VARS2: variants seen among roughly 807,000 people sequenced by gnomAD.
VARS2 encodes valyl-tRNA synthetase 2, mitochondrial.
VARS2 carries 105 observed loss-of-function variants against 154.1 expected under a neutral mutation model. The ratio of observed to expected loss-of-function variants is 0.68; its 90% confidence interval spans 0.58 to 0.80. VARS2 has a LOEUF of 0.80. Ranked by LOEUF, VARS2 falls within the 30% of genes least tolerant of loss-of-function variation. The pLI, the probability that VARS2 is intolerant of heterozygous loss-of-function variation, is 0.00. For synonymous variants in VARS2, 483 were observed against 539.5 expected (o/e 0.90, Z 1.45); for missense variants, 1,157 against 1,361.4 (o/e 0.85, Z 2.36).
In VARS2 at chr6:30,923,414, A is replaced by G. The variant is rs368546838; in HGVS notation, c.2375A>G (p.Glu792Gly). The change falls in exon 25 of 30, where the codon GAG (glutamate) becomes GGG (glycine). Residue 792 changes from glutamate to glycine, a missense_variant. Coordinates refer to ENST00000676266, the MANE Select transcript of VARS2 (RefSeq NM_020442.6). ...ILSRLALAAQ[E>G]CERGFLTREL... ...AGCCGCCTTGCCCTGGCTGCCCAGG[A>G]GTGTGAGCGGGGCTTCCTCACCCGA... 1.4e-4 allele frequency: 228 copies of G among 1,612,152 alleles called. No individual in the cohort carries two copies. Among genetic ancestry groups the G allele is most frequent in the Non-Finnish European group, 1.9e-4 (222 of 1,179,992 alleles).
At chr6:30,918,998 T>C in intron 11 of VARS2, 83 bp downstream of exon 11, 1 of 1,266,772 alleles carries the variant, frequency 7.9e-7, no homozygotes, top group South Asian at 1.2e-5. Context: ...TGGCTCTTTC[T>C]CTCTTGCTTC....
At position 30,915,046 on chromosome 6, in the gene VARS2, T is replaced by A. The variant is rs763245042; in HGVS notation, c.201+9T>A. ...TAGCAGGGGAGAGCAAGGTTAGGGGTCAGACAGCTTGTCCTTGGGTTTCTG... is the reference window on the plus strand; with the variant it reads ...TAGCAGGGGAGAGCAAGGTTAGGGGACAGACAGCTTGTCCTTGGGTTTCTG... On this transcript the variant is annotated intron_variant, in intron 2 of 29. Coordinates refer to ENST00000676266, the MANE Select transcript of VARS2 (RefSeq NM_020442.6). 2 of 1,612,742 alleles carry A rather than the reference T, an allele frequency of 1.2e-6. No homozygotes were observed. Among genetic ancestry groups the A allele is most frequent in the Non-Finnish European group, 1.7e-6 (2 of 1,179,726 alleles).
rs757294151 is a variant in VARS2, at chr6:30,923,456, C to T, written c.2417C>T (p.Thr806Ile). 9.9e-6 allele frequency: 16 copies of T among 1,612,300 alleles called. No homozygotes were observed. In the South Asian group the frequency reaches 1.6e-4, roughly 17 times the overall value. Residue 806 changes from threonine to isoleucine, a missense_variant, in exon 25 of 30, where the codon ACT becomes ATT. Transcript: ENST00000676266. ...GFLTRELSLV[T>I]HALHHFWLHN... is the part of the protein sequence containing the mutation. ...CTCACCCGAGAGCTCTCGCTCGTCA[C>T]TCATGCCCTGCACCACTTCTGGCTT...
In VARS2 at chr6:30,918,576, A is replaced by G. The variant is rs576233866; in HGVS notation, c.986-251A>G. Among the ~76,000 whole-genome samples, 7 of 152,210 alleles carry G rather than the reference A, an allele frequency of 4.6e-5. No individual in the cohort carries two copies. In the East Asian group the frequency reaches 9.7e-4, roughly 21 times the overall value. Reference sequence around the variant, plus strand: ...AGTTGCTTTAATTAATGCTGCCCCCATTTCTTCCATGCAAATTATCAGGGA... The same window carrying G: ...AGTTGCTTTAATTAATGCTGCCCCCGTTTCTTCCATGCAAATTATCAGGGA... On this transcript the variant is annotated intron_variant, in intron 10 of 29. Transcript: ENST00000676266.
chr6:30,914,713 A>G (rs1383716834), intron 1 of VARS2, 97 bp from the exon 2 acceptor site: 53 of 1,253,138 alleles, frequency 4.2e-5, no homozygotes, highest in Non-Finnish European at 5.6e-5. Flanking sequence ...ACTTGGAATA[A>G]CAGACCTGTG....
At position 30,914,310 on chromosome 6, in the gene VARS2, C is replaced by A; in HGVS notation, c.-62C>A. The A allele has an allele frequency of 8.8e-7, 1 of 1,142,410 alleles. No individual in the cohort carries two copies. The highest frequency in any genetic ancestry group is 4.2e-5 in the Admixed American group (1 of 23,706). 70.8% of individuals were successfully genotyped at this position (1,142,410 alleles called of 1,614,324 possible). A position where few individuals can be genotyped will look rare whatever the true frequency, so the allele number is the denominator to read the frequency against. On this transcript the variant is annotated 5_prime_UTR_variant, in exon 1 of 30. Coordinates refer to ENST00000676266, the MANE Select transcript of VARS2 (RefSeq NM_020442.6). Reference sequence around the variant, plus strand: ...TGGTGGATTCCTCAGTCCCTGCCGCCGCGGGGCGCCCTGGGATAGCGGCGG... The same window carrying A: ...TGGTGGATTCCTCAGTCCCTGCCGCAGCGGGGCGCCCTGGGATAGCGGCGG...
Position 30,915,247 on chromosome 6 carries a change from ATAAG to A in VARS2, c.283+15_283+18del, listed in dbSNP as rs1185645156. The A allele has an allele frequency of 1.2e-6, 2 of 1,613,890 alleles. No individual in the cohort carries two copies. Among genetic ancestry groups the A allele is most frequent in the Non-Finnish European group, 1.7e-6 (2 of 1,179,824 alleles). On this transcript the variant is annotated intron_variant, in intron 3 of 29. Transcript: ENST00000676266. ...CCCGGTGAAAAGAAAGGTAAGTAGA[ATAAG>A]TAAGAAGGCCTTTTCTTTCACATAT...
At chr6:30,922,667 C>T (rs1353926730) in intron 21 of VARS2, 39 bp from the exon 22 acceptor site, 21 of 1,599,592 alleles carry the variant, frequency 1.3e-5, no homozygotes, top group Non-Finnish European at 1.8e-5. Context: ...GAGGCAGGGC[C>T]TTCGACCTGG....
At position 30,917,828 on chromosome 6, in the gene VARS2, G is replaced by T; in HGVS notation, c.985+22G>T. 6.5e-7 allele frequency: 1 copy of T among 1,548,892 alleles called. No homozygotes were observed. The highest frequency in any genetic ancestry group is 8.7e-7 in the Non-Finnish European group (1 of 1,144,400). On this transcript the variant is annotated intron_variant, in intron 10 of 29. Coordinates refer to ENST00000676266, the MANE Select transcript of VARS2 (RefSeq NM_020442.6). The surrounding 1 kb of genome is among the most constrained non-coding windows in gnomAD (Gnocchi z 4.4). Reference sequence around the variant, plus strand: ...CCTGGTGAGCATAGTACTCTGCAGGGTCACCCGTTTACCTCCATTTTTCCT... The same window carrying T: ...CCTGGTGAGCATAGTACTCTGCAGGTTCACCCGTTTACCTCCATTTTTCCT...
intron 5 of VARS2, 32 bp downstream of exon 5, chr6:30,915,899 T>C: frequency 6.2e-7 from 1 of 1,613,888 alleles, no homozygotes. Flanking sequence ...CTTGAGTTCT[T>C]GGAAGGGAAA....
rs1794555579 is a variant in VARS2 at position 30,922,133 on chromosome 6, T to C, written c.1824T>C (p.Arg608=). The C allele has an allele frequency of 6.2e-7, 1 of 1,612,582 alleles. No homozygotes were observed. ...CCCCCTAGACCCCAGACCTTGCTCG[T>C]TTCTACCCCCTGTCACTTTTGGAAA... ...GWPQETPDLA[R]FYPLSLLETG... is the part of the protein sequence containing the mutation. The change falls in exon 20 of 30, where the codon CGT becomes CGC. Residue 608 remains arginine, a synonymous_variant. Transcript: ENST00000676266.
At position 30,921,425 on chromosome 6, in the gene VARS2, T is replaced by C; in HGVS notation, c.1632+120T>C. On this transcript the variant is annotated intron_variant, in intron 17 of 29. Transcript: ENST00000676266. This position sits in a 1 kb window ranked among gnomAD's most constrained non-coding sequence, Gnocchi z 4.6. ...GTCATGTGCTTCATGCTCATAGTCATGTAACCTTCTGCGCGATCAAGGCTC... is the reference window on the plus strand; with the variant it reads ...GTCATGTGCTTCATGCTCATAGTCACGTAACCTTCTGCGCGATCAAGGCTC... 1.4e-6 allele frequency: 2 copies of C among 1,442,928 alleles called. No homozygotes were observed. Among genetic ancestry groups the C allele is most frequent in the East Asian group, 2.4e-5 (1 of 42,004 alleles). The allele number at this position is 1,442,928 out of a possible 1,614,324, so 89.4% of individuals were successfully genotyped here.
chr6:30,915,625 ACT>A (rs1263359786), intron 4 of VARS2, 119 bp from the exon 5 acceptor site: 36 of 1,519,926 alleles, frequency 2.4e-5, no homozygotes, highest in Non-Finnish European at 2.9e-5. Context: ...CCTCCTCTCC[ACT>A]CTCCTCTTAT....
rs765132335 is a variant in VARS2, at chr6:30,921,070, G to A, written c.1485G>A (p.Val495=). 1 of 1,612,112 alleles carries A rather than the reference G, an allele frequency of 6.2e-7. No individual in the cohort carries two copies. The highest frequency in any genetic ancestry group is 2.2e-5 in the East Asian group (1 of 44,876). The change falls in exon 16 of 30, where the codon GTG becomes GTA. Residue 495 remains valine (V), a synonymous_variant. Transcript: ENST00000676266. This position sits in a 1 kb window ranked among gnomAD's most constrained non-coding sequence, Gnocchi z 4.6. ...AAAGTCCCCTTTCTCTCCAGGCTGT[G>A]GAGTCGGGGGCCCTGGAGCTCAGTC... ...QEMGARAAKA[V]ESGALELSPS...
intron 26 of VARS2, among the ~76,000 whole-genome samples, chr6:30,924,972 A>G (rs1396602604): frequency 6.6e-6 from 1 of 152,226 alleles, no homozygotes; most frequent in African/African-American, 2.4e-5. Context: ...AAATTTAACT[A>G]TTTAAATTTA....
rs1382051011 is a variant in VARS2 at position 30,915,198 on chromosome 6, G to A, written c.244G>A (p.Val82Ile). 1 of 1,614,242 alleles carries A rather than the reference G, an allele frequency of 6.2e-7. No individual in the cohort carries two copies. The highest frequency in any genetic ancestry group is 2.2e-5 in the East Asian group (1 of 44,890). Residue 82 changes from valine to isoleucine, a missense_variant, in exon 3 of 30, where the codon GTA becomes ATA. By Grantham distance (29) the Val-to-Ile change is conservative. Coordinates refer to ENST00000676266, the MANE Select transcript of VARS2 (RefSeq NM_020442.6). ...SIKAWRPKEL[V>I]LYEIPTKPGE... ...TAAGGCCTGGAGGCCTAAGGAGTTAGTATTGTATGAAATCCCTACGAAACC... is the reference window on the plus strand; with the variant it reads ...TAAGGCCTGGAGGCCTAAGGAGTTAATATTGTATGAAATCCCTACGAAACC...
In VARS2 at chr6:30,921,516, G is replaced by C; in HGVS notation, c.1633-73G>C. 5.2e-6 allele frequency: 8 copies of C among 1,535,018 alleles called. No individual in the cohort carries two copies. Among genetic ancestry groups the C allele is most frequent in the Non-Finnish European group, 7.1e-6 (8 of 1,130,636 alleles). On this transcript the variant is annotated intron_variant, in intron 17 of 29. Transcript: ENST00000676266. This position sits in a 1 kb window ranked among gnomAD's most constrained non-coding sequence, Gnocchi z 4.6. ...GGCCACTCTAAGACCACATGAGGAC[G>C]TGAAAACCAAGTGACATTTACACCT...
chr6:30,919,685 G>T lies in VARS2; in HGVS notation c.1075-73G>T. On this transcript the variant is annotated intron_variant, in intron 11 of 29. Transcript: ENST00000676266. The surrounding 1 kb of genome is among the most constrained non-coding windows in gnomAD (Gnocchi z 4.5). ...CACTTTCTACCTTCTTATTCCTGGG[G>T]TTCTCACGCCCCAGCCCAGACCCTT... The T allele has an allele frequency of 4.1e-6, 5 of 1,214,080 alleles. No individual in the cohort carries two copies. The Middle Eastern group carries it at 6.2e-4, about 150-fold the overall frequency. 75.2% of individuals were successfully genotyped at this position (1,214,080 alleles called of 1,614,324 possible).
intron 25 of VARS2, chr6:30,923,896 A>G: frequency 5.7e-6 from 2 of 353,700 alleles, no homozygotes; most frequent in Non-Finnish European, 1.0e-5. Flanking sequence ...CTACGTCCAA[A>G]GCACCTGGAG....
Sources: gnomAD v4.1 joint callset for allele counts (sites outside exome capture counted in the v4.1 genomes callset) on GRCh38, gnomAD v4.1.1 for gene constraint, Gnocchi (gnomAD v3.1) non-coding constraint, MANE v1.5 for transcripts, NCBI Gene and HGNC (gene_info 2026-07-23, HGNC 2026-07-21) for gene names.